The following ERBB4 variants were observed in gnomAD, a reference collection of about 807,000 sequenced individuals.
ERBB4 encodes the protein erb-b2 receptor tyrosine kinase 4.
ERBB4 carries 42 observed loss-of-function variants against 158.0 expected under a neutral mutation model. That is an observed-to-expected ratio of 0.27 (90% CI 0.21 to 0.34). ERBB4 has a LOEUF of 0.34. Among genes scored for constraint, ERBB4 ranks in the 10% least tolerant of loss-of-function variants. The pLI is 1.00. For missense variants in ERBB4, 1,333 were observed against 1,624.1 expected (o/e 0.82, Z 3.08); for synonymous variants, 583 against 558.7 (o/e 1.04, Z -0.61).
chr2:211,404,668 T>A (rs1464939640), intron 25 of ERBB4, among the ~76,000 whole-genome samples: 2 of 151,940 alleles, frequency 1.3e-5, no homozygotes. Context: ...AGTTGGTGAG[T>A]CAACTGAGAG....
At chr2:212,311,673 A>T (rs898581840) in intron 1 of ERBB4, among the ~76,000 whole-genome samples, 5 of 151,046 alleles carry the variant, frequency 3.3e-5, no homozygotes, top group Non-Finnish European at 7.4e-5. Flanking sequence ...TAAATTTTTT[A>T]AAAACCACAA....
chr2:211,682,914 T>C (rs1277639940), intron 12 of ERBB4, among the ~76,000 whole-genome samples: 1 of 148,902 alleles, frequency 6.7e-6, no homozygotes, highest in East Asian at 2.0e-4. Flanking sequence ...TTTATCTTAG[T>C]TTTTTTTTTC....
At chr2:211,404,824 T>A (rs1279640655) in intron 25 of ERBB4, among the ~76,000 whole-genome samples, 1 of 152,110 alleles carries the variant, frequency 6.6e-6, no homozygotes. Context: ...GTACTTTCTA[T>A]GAAGTGACCC....
At chr2:212,472,994 T>A (rs1403115206) in intron 1 of ERBB4, among the ~76,000 whole-genome samples, 1 of 151,620 alleles carries the variant, frequency 6.6e-6, no homozygotes, top group Non-Finnish European at 1.5e-5. Flanking sequence ...AAGCTGCTGT[T>A]CATGCTAATT....
chr2:212,076,454 C>T (rs2125456514), intron 2 of ERBB4, among the ~76,000 whole-genome samples: 1 of 152,006 alleles, frequency 6.6e-6, no homozygotes, highest in Admixed American at 6.6e-5. Flanking sequence ...TAAGCAATAA[C>T]TAAACGAGGC....
At chr2:212,392,300 T>C (rs1468290048) in intron 1 of ERBB4, among the ~76,000 whole-genome samples, 3 of 151,774 alleles carry the variant, frequency 2.0e-5, no homozygotes, top group African/African-American at 7.3e-5. Context: ...ATGTTTCTTA[T>C]TACATAAAAT....
At chr2:211,864,528 C>A (rs1436391419) in intron 3 of ERBB4, among the ~76,000 whole-genome samples, 3 of 152,162 alleles carry the variant, frequency 2.0e-5, no homozygotes, top group Non-Finnish European at 4.4e-5. Flanking sequence ...AAGATGCTGA[C>A]CTTGGCAGAA....
intron 22 of ERBB4, among the ~76,000 whole-genome samples, chr2:211,427,803 T>G (rs939246120): frequency 2.0e-5 from 3 of 151,616 alleles, no homozygotes; most frequent in East Asian, 3.9e-4. Flanking sequence ...ACCATGAAAT[T>G]CTATGAAATT....
chr2:212,469,099 TC>T, intron 1 of ERBB4, among the ~76,000 whole-genome samples: 1 of 152,324 alleles, frequency 6.6e-6, no homozygotes, highest in African/African-American at 2.4e-5. Flanking sequence ...TAGATTTCTT[TC>T]TTTATATCAT....
intron 19 of ERBB4, among the ~76,000 whole-genome samples, chr2:211,597,901 T>C (rs10210942): frequency 0.84 from 127,398 of 152,118 alleles, 54,020 homozygotes; most frequent in Admixed American, 0.91. Context: ...ATTATATCTT[T>C]GTATGTTATT....
At chr2:212,389,020 T>C (rs2090767920) in intron 1 of ERBB4, among the ~76,000 whole-genome samples, 1 of 152,090 alleles carries the variant, frequency 6.6e-6, no homozygotes, top group Non-Finnish European at 1.5e-5. Flanking sequence ...TTTTATGTGA[T>C]CTGAGAAACT....
intron 20 of ERBB4, among the ~76,000 whole-genome samples, chr2:211,456,814 A>G (rs1403879760): frequency 6.6e-6 from 1 of 152,128 alleles, no homozygotes; most frequent in Non-Finnish European, 1.5e-5. Flanking sequence ...TCCCACTCCT[A>G]TGAGAATCTA....
At chr2:211,922,758 CA>C (rs1004996325) in intron 3 of ERBB4, among the ~76,000 whole-genome samples, 1 of 151,686 alleles carries the variant, frequency 6.6e-6, no homozygotes, top group Non-Finnish European at 1.5e-5. Flanking sequence ...TGTGGATTGT[CA>C]AAAAAACCTT....
intron 19 of ERBB4, among the ~76,000 whole-genome samples, chr2:211,601,434 T>C (rs1222570385): frequency 6.6e-6 from 1 of 151,804 alleles, no homozygotes; most frequent in South Asian, 2.1e-4. Flanking sequence ...GACATAAGTT[T>C]CCGGATTCAA....
intron 1 of ERBB4, among the ~76,000 whole-genome samples, chr2:212,211,884 A>C (rs1449233480): frequency 6.6e-6 from 1 of 152,036 alleles, no homozygotes; most frequent in Non-Finnish European, 1.5e-5. Flanking sequence ...CTCGCAAAGG[A>C]CATGATCTCA....
intron 4 of ERBB4, among the ~76,000 whole-genome samples, chr2:211,754,063 T>C (rs777968248): frequency 5.9e-5 from 9 of 151,886 alleles, no homozygotes; most frequent in Non-Finnish European, 1.2e-4. Flanking sequence ...GGTTTCACTG[T>C]GTTAGCCAGG....
intron 1 of ERBB4, among the ~76,000 whole-genome samples, chr2:212,196,574 C>G (rs913435737): frequency 6.6e-6 from 1 of 151,954 alleles, no homozygotes; most frequent in Non-Finnish European, 1.5e-5. Flanking sequence ...GTAATTTAGA[C>G]TGAAAATTCT....
rs2125857446 is a variant in ERBB4 at position 211,623,789 on chromosome 2, C to T, written c.2202+133G>A. On this transcript the variant is annotated intron_variant, in intron 18 of 27. Coordinates refer to ENST00000342788, the MANE Select transcript of ERBB4 (RefSeq NM_005235.3). Reference sequence around the variant, plus strand: ...TGAATTCATTTGTGCAGCAACTTCTCAATATTATAAAAGTCTTCCTTTCTG... The same window carrying T: ...TGAATTCATTTGTGCAGCAACTTCTTAATATTATAAAAGTCTTCCTTTCTG... 4.8e-6 allele frequency: 4 copies of T among 834,112 alleles called. No homozygotes were observed. The East Asian group carries it at 8.0e-5, about 17-fold the overall frequency. 51.7% of individuals were successfully genotyped at this position (834,112 alleles called of 1,614,324 possible).
Position 212,048,280 on chromosome 2 carries a change from A to C in ERBB4, c.234+76472T>G, listed in dbSNP as rs116469453. On this transcript the variant is annotated intron_variant, in intron 2 of 27. Transcript: ENST00000342788. ...ACTTTAAGTGCAATGGGAATCCTGGAGTATTTAAGTGGTGGAGTGATGACA... is the reference window on the plus strand; with the variant it reads ...ACTTTAAGTGCAATGGGAATCCTGGCGTATTTAAGTGGTGGAGTGATGACA... 8.4e-3 allele frequency among the ~76,000 whole-genome samples: 1,286 copies of C among 152,238 alleles called. 14 individuals are homozygous for C. The highest frequency in any genetic ancestry group is 0.03 in the African/African-American group (1,227 of 41,552).
Sources: allele counts gnomAD v4.1 joint callset (sites outside exome capture counted in the v4.1 genomes callset), GRCh38; gene constraint gnomAD v4.1.1; transcripts MANE v1.5; gene names NCBI Gene and HGNC (gene_info 2026-07-23, HGNC 2026-07-21).